The following PFKFB3 variants were observed in gnomAD, a reference collection of about 807,000 sequenced individuals.
PFKFB3 encodes the protein 6-phosphofructo-2-kinase/fructose-2,6-biphosphatase 3.
PFKFB3 carries 33 observed loss-of-function variants against 68.0 expected under a neutral mutation model. The ratio of observed to expected loss-of-function variants is 0.49; its 90% CI spans 0.37 to 0.65. The LOEUF (loss-of-function observed/expected upper bound fraction) is 0.65. Among genes scored for constraint, PFKFB3 ranks in the 30% least tolerant of loss-of-function variants. The pLI is 0.00. For synonymous variants in PFKFB3, 315 were observed against 288.2 expected (o/e 1.09, Z -0.94); for missense variants, 586 against 712.2 (o/e 0.82, Z 2.02).
At chr10:6,277,673 T>C in the PFKFB3 span, 1 of 335,752 alleles carries the variant, frequency 3.0e-6, no homozygotes, top group Non-Finnish European at 6.0e-6. Flanking sequence ...TGCTTCCCCT[T>C]TGCCTTCTGC....
chr10:6,272,784 C>T, the PFKFB3 span, among the ~76,000 whole-genome samples: 24 of 152,246 alleles, frequency 1.6e-4, no homozygotes, highest in African/African-American at 4.8e-4. Flanking sequence ...TATCCTGGAT[C>T]TGTGCATGCC....
the PFKFB3 span, among the ~76,000 whole-genome samples, chr10:6,263,213 G>C: frequency 1.3e-5 from 2 of 152,350 alleles, no homozygotes; most frequent in East Asian, 3.9e-4. Flanking sequence ...GGGATGGGCC[G>C]AATTAAAGAA....
At chr10:6,262,076 T>G in the PFKFB3 span, among the ~76,000 whole-genome samples, 1 of 149,760 alleles carries the variant, frequency 6.7e-6, no homozygotes, top group African/African-American at 2.5e-5. Flanking sequence ...GGTGATGAAA[T>G]AATCTGTACA....
At chr10:6,177,425 C>CTT (rs1316078891) in intron 1 of PFKFB3, among the ~76,000 whole-genome samples, 1 of 77,030 alleles carries the variant, frequency 1.3e-5, no homozygotes, top group Non-Finnish European at 2.8e-5. Flanking sequence ...CTCTTTCTTC[C>CTT]TTTCTTTTCT....
At chr10:6,168,224 T>A (rs1197741428) in intron 1 of PFKFB3, among the ~76,000 whole-genome samples, 1 of 152,218 alleles carries the variant, frequency 6.6e-6, no homozygotes, top group Non-Finnish European at 1.5e-5. Context: ...TAGTGAGTCC[T>A]GGAATCCTCC....
chr10:6,313,836 A>C, the PFKFB3 span, among the ~76,000 whole-genome samples: 1 of 152,144 alleles, frequency 6.6e-6, no homozygotes, highest in Non-Finnish European at 1.5e-5. This position sits in a 1 kb window ranked among gnomAD's most constrained non-coding sequence, Gnocchi z 4.2. Context: ...TGGCTTGGAG[A>C]CTGTTCTTTA....
At chr10:6,296,442 G>C in the PFKFB3 span, among the ~76,000 whole-genome samples, 1 of 152,184 alleles carries the variant, frequency 6.6e-6, no homozygotes, top group Non-Finnish European at 1.5e-5. Flanking sequence ...CAAATCCATA[G>C]AATAAAGTGA....
the PFKFB3 span, among the ~76,000 whole-genome samples, chr10:6,270,320 T>C: frequency 2.0e-5 from 3 of 152,340 alleles, no homozygotes; most frequent in Non-Finnish European, 4.4e-5. Context: ...TCCCATTTCA[T>C]ATGAGAAGTA....
chr10:6,310,832 TAAGA>T, the PFKFB3 span, among the ~76,000 whole-genome samples: 5 of 152,104 alleles, frequency 3.3e-5, no homozygotes, highest in African/African-American at 1.2e-4. Context: ...TCTCAGAAAA[TAAGA>T]AAGAGATAAG....
exon 15 of PFKFB3, chr10:6,254,260 G>A (rs557790946): frequency 1.0e-5 from 4 of 398,608 alleles, no homozygotes; most frequent in South Asian, 2.5e-4. Context: ...TGGATACCCA[G>A]AGAGGTGACC....
At chr10:6,259,184 T>TGTCC (rs1463910729), downstream of PFKFB3, among the ~76,000 whole-genome samples, 6 of 138,536 alleles carry the variant, frequency 4.3e-5, no homozygotes, top group Admixed American at 2.8e-4. Context: ...CCCATCCATC[T>TGTCC]ATCCATCCAT....
intron 14 of PFKFB3, among the ~76,000 whole-genome samples, chr10:6,241,795 G>A (rs1354001778): frequency 6.6e-6 from 1 of 150,438 alleles, no homozygotes; most frequent in Non-Finnish European, 1.5e-5. Context: ...TATTTGTATT[G>A]TGGTGTTCTA....
the PFKFB3 span, among the ~76,000 whole-genome samples, chr10:6,313,421 G>A: frequency 2.0e-5 from 3 of 152,168 alleles, no homozygotes; most frequent in Non-Finnish European, 2.9e-5. The surrounding 1 kb of genome is among the most constrained non-coding windows in gnomAD (Gnocchi z 4.2). Context: ...TGCCGAACAC[G>A]CTGGGTGCTG....
chr10:6,219,797 T>A lies in PFKFB3; in HGVS notation c.623+104T>A, dbSNP rs944069573. Reference sequence around the variant, plus strand: ...TGCTCCTGGATACCTTTAAAAAAATTTTTTTAAGACAGTTTTTTTTGTAGA... The same window carrying A: ...TGCTCCTGGATACCTTTAAAAAAATATTTTTAAGACAGTTTTTTTTGTAGA... On this transcript the variant is annotated intron_variant, in intron 7 of 14. Coordinates refer to ENST00000379775, the MANE Select transcript of PFKFB3 (RefSeq NM_004566.4). 6 of 1,316,262 alleles carry A rather than the reference T, an allele frequency of 4.6e-6. No individual in the cohort carries two copies. The African/African-American group carries it at 8.9e-5, about 20-fold the overall frequency. 81.5% of individuals were successfully genotyped at this position (1,316,262 alleles called of 1,614,324 possible).
the PFKFB3 span, among the ~76,000 whole-genome samples, chr10:6,273,810 C>G: frequency 1.3e-5 from 2 of 152,160 alleles, no homozygotes; most frequent in Non-Finnish European, 2.9e-5. Flanking sequence ...GACTACAGGT[C>G]AAGGACAGAC....
Position 6,207,343 on chromosome 10 carries a change from A to G in PFKFB3, c.76+4007A>G, listed in dbSNP as rs1843856778. Among the ~76,000 whole-genome samples, 5 of 152,366 alleles carry G rather than the reference A, an allele frequency of 3.3e-5. No individual in the cohort carries two copies. In the South Asian group the frequency reaches 1.0e-3, roughly 32 times the overall value. On this transcript the variant is annotated intron_variant, in intron 1 of 14. Coordinates refer to ENST00000379775, the MANE Select transcript of PFKFB3 (RefSeq NM_004566.4). The stretch of plus-strand genomic sequence containing the variant: ...TCGCAGGCACTCGGCAGGCTGAGGC[A>G]GGAGAATCAGGCAGGGAGGTTGCAG...
chr10:6,279,771 A>G, the PFKFB3 span, among the ~76,000 whole-genome samples: 1 of 152,298 alleles, frequency 6.6e-6, no homozygotes, highest in South Asian at 2.1e-4. Flanking sequence ...GACCAGTGCT[A>G]TTTACCATTA....
chr10:6,226,954 C>T (rs951358738), intron 14 of PFKFB3, among the ~76,000 whole-genome samples: 21 of 152,128 alleles, frequency 1.4e-4, no homozygotes, highest in African/African-American at 3.6e-4. Context: ...GGTGTGGAGG[C>T]GGGCGCCTGT....
At chr10:6,149,259 G>T (rs7068194) in intron 1 of PFKFB3, among the ~76,000 whole-genome samples, 14,533 of 152,148 alleles carry the variant, frequency 0.096, 916 homozygotes, top group African/African-American at 0.18. Context: ...CACCTTCAGA[G>T]GGACAAGGGA....
Sources: allele counts gnomAD v4.1 joint callset (sites outside exome capture counted in the v4.1 genomes callset), GRCh38; gene constraint gnomAD v4.1.1; non-coding constraint Gnocchi (gnomAD v3.1); transcripts MANE v1.5; gene names NCBI Gene and HGNC (gene_info 2026-07-23, HGNC 2026-07-21).